Variants in SLC24A2 observed in about 807,000 individuals in gnomAD.
The protein encoded by SLC24A2 is solute carrier family 24 member 2.
Under a neutral mutation model 62.0 loss-of-function variants are expected in SLC24A2, and 36 were observed. The observed-to-expected ratio is 0.58, with a 90% confidence interval of 0.44 to 0.77. The LOEUF is 0.77. Among genes scored for constraint, SLC24A2 ranks in the 30% least tolerant of loss-of-function variants. The probability of loss-of-function intolerance (pLI) is 0.00; values close to 1 mark genes in which losing one functional copy is unlikely to be tolerated. For missense variants in SLC24A2, 846 were observed against 817.9 expected (o/e 1.03, Z -0.42); for synonymous variants, 358 against 294.0 (o/e 1.22, Z -2.23).
the SLC24A2 span, among the ~76,000 whole-genome samples, chr9:20,147,714 G>T: frequency 6.6e-6 from 1 of 151,586 alleles, no homozygotes; most frequent in East Asian, 2.0e-4. Flanking sequence ...ACAAATTTCA[G>T]AGGATGGCCC....
the SLC24A2 span, among the ~76,000 whole-genome samples, chr9:20,095,371 C>T: frequency 6.6e-6 from 1 of 152,162 alleles, no homozygotes; most frequent in Non-Finnish European, 1.5e-5. Context: ...TTTGGTCAAA[C>T]ATTATTCTGG....
chr9:19,796,917 T>C, the SLC24A2 span, among the ~76,000 whole-genome samples: 1 of 152,172 alleles, frequency 6.6e-6, no homozygotes, highest in African/African-American at 2.4e-5. Flanking sequence ...TGTGTATATT[T>C]AAAAAATTTT....
chr9:19,842,815 C>T, the SLC24A2 span, among the ~76,000 whole-genome samples: 14 of 152,202 alleles, frequency 9.2e-5, no homozygotes, highest in Non-Finnish European at 2.1e-4. Flanking sequence ...TGATATCTCT[C>T]CATTCTTCAA....
intron 2 of SLC24A2, among the ~76,000 whole-genome samples, chr9:19,755,005 C>T (rs1365876016): frequency 2.0e-5 from 3 of 152,108 alleles, no homozygotes; most frequent in Non-Finnish European, 4.4e-5. Flanking sequence ...CGAGCCTAGA[C>T]TGATATACCT....
the SLC24A2 span, among the ~76,000 whole-genome samples, chr9:20,254,285 C>A: frequency 1.3e-5 from 2 of 152,148 alleles, no homozygotes; most frequent in Admixed American, 6.5e-5. Context: ...GAGGGTGAGA[C>A]TCCACTTGTT....
At chr9:19,570,589 G>T (rs1291204836) in intron 7 of SLC24A2, among the ~76,000 whole-genome samples, 1 of 152,096 alleles carries the variant, frequency 6.6e-6, no homozygotes, top group East Asian at 1.9e-4. Context: ...GCTCTTTCAA[G>T]GAAAGGACAC....
At chr9:19,773,756 C>T (rs897098312) in intron 2 of SLC24A2, among the ~76,000 whole-genome samples, 33 of 152,206 alleles carry the variant, frequency 2.2e-4, no homozygotes, top group African/African-American at 7.7e-4. Context: ...GGCAAACCAA[C>T]ATCAGTCACA....
At chr9:19,623,100 T>G (rs1408736097) in intron 2 of SLC24A2, among the ~76,000 whole-genome samples, 3 of 152,198 alleles carry the variant, frequency 2.0e-5, no homozygotes, top group Non-Finnish European at 4.4e-5. Flanking sequence ...TCTACCGACA[T>G]GACCCACCTG....
chr9:19,713,479 C>T (rs1467992691), intron 2 of SLC24A2, among the ~76,000 whole-genome samples: 1 of 152,138 alleles, frequency 6.6e-6, no homozygotes, highest in Admixed American at 6.6e-5. Flanking sequence ...TATTTGTCAA[C>T]CACTTTTATG....
the SLC24A2 span, among the ~76,000 whole-genome samples, chr9:20,126,416 T>A: frequency 6.6e-6 from 1 of 152,158 alleles, no homozygotes; most frequent in African/African-American, 2.4e-5. Context: ...TTAATTGCCC[T>A]TAAGCTTCCT....
At chr9:20,174,423 C>T in the SLC24A2 span, among the ~76,000 whole-genome samples, 1 of 151,920 alleles carries the variant, frequency 6.6e-6, no homozygotes, top group African/African-American at 2.4e-5. Flanking sequence ...AGACAACCCA[C>T]AGAGTGGAAG....
chr9:20,159,313 A>T, the SLC24A2 span, among the ~76,000 whole-genome samples: 1 of 151,616 alleles, frequency 6.6e-6, no homozygotes, highest in Non-Finnish European at 1.5e-5. Flanking sequence ...ACATCCCATC[A>T]CGATGAAATT....
the SLC24A2 span, among the ~76,000 whole-genome samples, chr9:20,220,830 C>A: frequency 2.6e-5 from 4 of 152,096 alleles, no homozygotes; most frequent in South Asian, 2.1e-4. Context: ...AGTTCCCCAA[C>A]CCTCACCTAC....
At chr9:19,968,452 T>C in the SLC24A2 span, among the ~76,000 whole-genome samples, 4 of 152,202 alleles carry the variant, frequency 2.6e-5, no homozygotes, top group African/African-American at 9.6e-5. Context: ...ATTTTATAGA[T>C]GAGGAAATTG....
At chr9:19,981,518 A>C in the SLC24A2 span, among the ~76,000 whole-genome samples, 1 of 152,276 alleles carries the variant, frequency 6.6e-6, no homozygotes, top group South Asian at 2.1e-4. Context: ...AATTTTTGGA[A>C]TCTCTCAAAA....
At chr9:20,282,996 C>T in the SLC24A2 span, among the ~76,000 whole-genome samples, 2 of 152,140 alleles carry the variant, frequency 1.3e-5, no homozygotes, top group African/African-American at 4.8e-5. Flanking sequence ...CATGTTAAGA[C>T]TGTTAATACA....
Position 19,573,464 on chromosome 9 carries a change from T to C in SLC24A2, c.1234A>G (p.Ile412Val). The change falls in exon 7 of 11, where the codon ATT (isoleucine) becomes GTT (valine). Residue 412 changes from isoleucine (I) to valine (V), a missense_variant. By Grantham distance (29) the Ile-to-Val change is conservative. Transcript: ENST00000341998. ...GTGCTGGTGCTGTTTGGAAGCTCAATTTTTTCTGTGATATAATTTAAACAC... is the reference window on the plus strand; with the variant it reads ...GTGCTGGTGCTGTTTGGAAGCTCAACTTTTTCTGTGATATAATTTAAACAC... ...QNGAANHVEK[I>V]ELPNSTSTDV... 6.3e-7 allele frequency: 1 copy of C among 1,594,836 alleles called. No homozygotes were observed. The highest frequency in any genetic ancestry group is 8.6e-7 in the Non-Finnish European group (1 of 1,163,876).
At chr9:20,014,166 C>A in the SLC24A2 span, among the ~76,000 whole-genome samples, 8 of 152,092 alleles carry the variant, frequency 5.3e-5, no homozygotes, top group Non-Finnish European at 4.4e-5. Context: ...TATGATCATG[C>A]CACTGCATGC....
At position 19,788,659 on chromosome 9, in the gene SLC24A2, G is replaced by GC. The variant is rs1160776933; in HGVS notation, c.-154+225dup. 14 of 984,148 alleles carry GC rather than the reference G, an allele frequency of 1.4e-5. No homozygotes were observed. In the East Asian group the frequency reaches 6.9e-4, roughly 49 times the overall value. The allele number at this position is 984,148 out of a possible 1,614,324, so 61.0% of individuals were successfully genotyped here. A position where few individuals can be genotyped will look rare whatever the true frequency, so the allele number is the denominator to read the frequency against. On this transcript the variant is annotated intron_variant, in intron 1 of 10. Transcript: ENST00000341998. Reference sequence around the variant, plus strand: ...CCCCCGACGGCAGGCCCTGCCCCACGCCCCCCATCCCAAGCCAAAAGCAAG... The same window carrying GC: ...CCCCCGACGGCAGGCCCTGCCCCACGCCCCCCCATCCCAAGCCAAAAGCAAG...
Sources: gnomAD v4.1 joint callset for allele counts (sites outside exome capture counted in the v4.1 genomes callset) on GRCh38, gnomAD v4.1.1 for gene constraint, MANE v1.5 for transcripts, NCBI Gene and HGNC (gene_info 2026-07-23, HGNC 2026-07-21) for gene names.